Variants in ANKRD26 observed in about 807,000 individuals in gnomAD.
ANKRD26 encodes ankyrin repeat domain 26, also known as ankyrin repeat domain-containing protein 26.
Under a neutral mutation model 208.7 loss-of-function variants are expected in ANKRD26, and 141 were observed. The observed-to-expected ratio is 0.68, with a 90% confidence interval of 0.59 to 0.78. The LOEUF (loss-of-function observed/expected upper bound fraction) is 0.78. Among genes scored for constraint, ANKRD26 ranks in the 30% least tolerant of loss-of-function variants. The pLI is 0.00. For missense variants in ANKRD26, 1,889 were observed against 1,938.7 expected, an observed-to-expected ratio of 0.97 and a Z score of 0.48; for synonymous variants, 636 against 660.4, an observed-to-expected ratio of 0.96 and a Z score of 0.57.
intron 6 of ANKRD26, among the ~76,000 whole-genome samples, chr10:27,079,852 C>CA (rs11453500): frequency 0.12 from 17,821 of 151,348 alleles, 1,308 homozygotes; most frequent in African/African-American, 0.22. Context: ...GACACTGTCT[C>CA]AAAAAAATAA....
intron 17 of ANKRD26, among the ~76,000 whole-genome samples, chr10:27,048,145 A>C (rs2054523916): frequency 6.6e-6 from 1 of 152,192 alleles, no homozygotes; most frequent in Non-Finnish European, 1.5e-5. Flanking sequence ...AGAGTTGAGC[A>C]TGAGCCCCTA....
rs1264139433 is a variant in ANKRD26 at position 27,034,847 on chromosome 10, A to G, written c.3603T>C (p.Asn1201=). The G allele has an allele frequency of 5.0e-6, 8 of 1,612,276 alleles. No individual in the cohort carries two copies. The highest frequency in any genetic ancestry group is 6.8e-6 in the Non-Finnish European group (8 of 1,179,570). The change falls in exon 24 of 34, where the codon AAT becomes AAC. Residue 1201 remains asparagine (N), a synonymous_variant. Transcript: ENST00000376087. ...ATTGATACTGTCTTTCTTTTAAGTG[A>G]TTACATTCACTGATTAACTCCTTAT... ...ERNKELISEC[N]HLKERQYQYE...
intron 5 of ANKRD26, among the ~76,000 whole-genome samples, chr10:26,994,796 T>C (rs2052553905): frequency 6.6e-6 from 1 of 152,222 alleles, no homozygotes; most frequent in Admixed American, 6.5e-5. Flanking sequence ...TCTTCTCTCC[T>C]TCTGTAGCAT....
At chr10:26,965,453 C>T in the ANKRD26 span, among the ~76,000 whole-genome samples, 1 of 152,152 alleles carries the variant, frequency 6.6e-6, no homozygotes, top group African/African-American at 2.4e-5. Context: ...AACTGGACCC[C>T]TTCCTTACAC....
chr10:26,967,249 C>T, the ANKRD26 span, among the ~76,000 whole-genome samples: 1 of 152,130 alleles, frequency 6.6e-6, no homozygotes, highest in African/African-American at 2.4e-5. Context: ...AGCTAAAGGA[C>T]AGATAGATAG....
At chr10:26,961,528 G>A in the ANKRD26 span, among the ~76,000 whole-genome samples, 1 of 152,184 alleles carries the variant, frequency 6.6e-6, no homozygotes, top group Admixed American at 6.5e-5. Context: ...ATTGCTCTGT[G>A]TTTTACCTTC....
intron 12 of ANKRD26, among the ~76,000 whole-genome samples, chr10:27,062,650 G>A (rs1338381327): frequency 6.6e-6 from 1 of 152,144 alleles, no homozygotes; most frequent in Admixed American, 6.5e-5. Context: ...AGTTGCTAGT[G>A]GGCTTTTAAT....
At chr10:27,045,010 A>G (rs1269140148) in intron 18 of ANKRD26, among the ~76,000 whole-genome samples, 1 of 152,258 alleles carries the variant, frequency 6.6e-6, no homozygotes, top group South Asian at 2.1e-4. Context: ...TAAAATAAAA[A>G]GACCTTAAAT....
chr10:27,015,264 G>T (rs1363146845), intron 30 of ANKRD26, among the ~76,000 whole-genome samples: 1 of 152,200 alleles, frequency 6.6e-6, no homozygotes, highest in Non-Finnish European at 1.5e-5. Flanking sequence ...GAGCTTCTTA[G>T]GGATAAATGC....
downstream of ANKRD26, among the ~76,000 whole-genome samples, chr10:27,003,863 T>G (rs1342419723): frequency 6.6e-6 from 1 of 152,200 alleles, no homozygotes; most frequent in Non-Finnish European, 1.5e-5. Context: ...AAAAGGAGAC[T>G]ATAGAAACGG....
chr10:26,961,631 C>G, the ANKRD26 span, among the ~76,000 whole-genome samples: 2 of 152,058 alleles, frequency 1.3e-5, no homozygotes, highest in Non-Finnish European at 2.9e-5. Context: ...ATTGCTTGAG[C>G]CCAGGAGTTC....
In ANKRD26 at chr10:27,069,938, C is replaced by T. The variant is rs1438728303; in HGVS notation, c.1078-2652G>A. Among the ~76,000 whole-genome samples, 3 of 151,684 alleles carry T rather than the reference C, an allele frequency of 2.0e-5. No individual in the cohort carries two copies. In the East Asian group the frequency reaches 5.8e-4, roughly 29 times the overall value. On this transcript the variant is annotated intron_variant, in intron 9 of 33. Transcript: ENST00000376087. ...TTCAAAACCAGCCTGGATAATATAG[C>T]GAGACCCCATCTCTACAAAAAATAA... is the stretch of plus-strand genomic sequence containing the variant.
chr10:27,052,622 A>C (rs908311511), intron 16 of ANKRD26, among the ~76,000 whole-genome samples: 1 of 152,134 alleles, frequency 6.6e-6, no homozygotes, highest in African/African-American at 2.4e-5. Flanking sequence ...ACTATATAAG[A>C]CTTAAGTCTA....
intron 6 of ANKRD26, among the ~76,000 whole-genome samples, chr10:27,081,789 G>C (rs887644875): frequency 1.3e-5 from 2 of 151,894 alleles, no homozygotes; most frequent in African/African-American, 2.4e-5. Flanking sequence ...CCAGGCTGGA[G>C]TGCAGTGGCG....
intron 1 of ANKRD26, among the ~76,000 whole-genome samples, chr10:27,095,136 T>C (rs1354815325): frequency 6.6e-6 from 1 of 152,232 alleles, no homozygotes; most frequent in African/African-American, 2.4e-5. Context: ...TGGAAGCATT[T>C]TTAAAATTGA....
At chr10:27,039,785 T>A (rs1342823803) in intron 21 of ANKRD26, among the ~76,000 whole-genome samples, 180 bp downstream of exon 21, 1 of 152,162 alleles carries the variant, frequency 6.6e-6, no homozygotes, top group Non-Finnish European at 1.5e-5. Flanking sequence ...TAAAAGAATA[T>A]ATATTTAGTA....
chr10:27,082,119 G>A (rs2055943761), intron 6 of ANKRD26, among the ~76,000 whole-genome samples: 2 of 150,268 alleles, frequency 1.3e-5, no homozygotes, highest in Admixed American at 1.3e-4. Flanking sequence ...CAACTCAGAT[G>A]GAGCTAGAGT....
chr10:27,068,021 A>G (rs2135503369), intron 9 of ANKRD26, among the ~76,000 whole-genome samples: 1 of 152,340 alleles, frequency 6.6e-6, no homozygotes. Flanking sequence ...AAGGGCACAA[A>G]AGAGAACAGT....
intron 9 of ANKRD26, among the ~76,000 whole-genome samples, chr10:27,069,681 T>C (rs2055407661): frequency 6.6e-6 from 1 of 152,144 alleles, no homozygotes; most frequent in Non-Finnish European, 1.5e-5. Context: ...AGGAAAAGCA[T>C]ATGGTCTTAA....
Sources: gnomAD v4.1 joint callset for allele counts (sites outside exome capture counted in the v4.1 genomes callset) on GRCh38, gnomAD v4.1.1 for gene constraint, MANE v1.5 for transcripts, NCBI Gene and HGNC (gene_info 2026-07-23, HGNC 2026-07-21) for gene names.